Variants in CCDC88A observed in about 807,000 individuals in gnomAD.
The protein encoded by CCDC88A is coiled-coil and HOOK domain protein 88A.
In CCDC88A, 54 loss-of-function variants were observed where a neutral mutation model predicts 234.3. The observed-to-expected ratio is 0.23, with a 90% CI of 0.19 to 0.29. CCDC88A has a LOEUF of 0.29. Among genes scored for constraint, CCDC88A ranks in the 10% least tolerant of loss-of-function variants. The pLI is 1.00. For synonymous variants in CCDC88A, 753 were observed against 737.8 expected (o/e 1.02, Z -0.33); for missense variants, 1,832 against 2,123.4 (o/e 0.86, Z 2.70).
At chr2:55,302,916 GAA>G in intron 26 of CCDC88A, 151 bp downstream of exon 26, 1 of 544,122 alleles carries the variant, frequency 1.8e-6, no homozygotes, top group Non-Finnish European at 3.3e-6. Context: ...AGTGCCACTT[GAA>G]AAAAAAAATT....
At chr2:55,416,892 C>T (rs764035696) in intron 2 of CCDC88A, 16 of 151,540 alleles carry the variant, frequency 1.1e-4, no homozygotes, top group Non-Finnish European at 2.4e-4. Context: ...ATTATTCAAA[C>T]AAAGCAAAAG....
At chr2:55,395,754 C>A (rs905123435) in intron 2 of CCDC88A, among the ~76,000 whole-genome samples, 4 of 152,144 alleles carry the variant, frequency 2.6e-5, no homozygotes, top group African/African-American at 9.7e-5. Context: ...TCCTAAACTA[C>A]AATTTGAGAT....
chr2:55,375,467 TAC>T (rs1673479159), intron 3 of CCDC88A, among the ~76,000 whole-genome samples: 1 of 102,212 alleles, frequency 9.8e-6, no homozygotes, highest in Non-Finnish European at 1.9e-5. Context: ...ACTGTCACTG[TAC>T]TATATATATA....
At chr2:55,414,070 A>G (rs567818789) in intron 2 of CCDC88A, among the ~76,000 whole-genome samples, 1 of 152,334 alleles carries the variant, frequency 6.6e-6, no homozygotes, top group South Asian at 2.1e-4. Flanking sequence ...CAAGTTTATC[A>G]CAATTACCAA....
At chr2:55,396,123 C>A (rs945954055) in intron 2 of CCDC88A, among the ~76,000 whole-genome samples, 5 of 151,634 alleles carry the variant, frequency 3.3e-5, no homozygotes, top group Admixed American at 3.3e-4. Context: ...TAAACAAATA[C>A]TCACTGAGTA....
chr2:55,343,712 C>T lies in CCDC88A; in HGVS notation c.1269G>A (p.Met423Ile). ...CCCAGCCAAGATGTAATGATTCATC[C>T]ATACTTTGTTTCTGTGCCATTTCCA... The part of the protein sequence containing the change: ...MTLEMAQKQS[M>I]DESLHLGWEL... Residue 423 changes from methionine (M) to isoleucine (I), a missense_variant, in exon 12 of 33, where the codon ATG (methionine) becomes ATA (isoleucine). Physicochemically the swap from Met to Ile is conservative, Grantham distance 10. Coordinates refer to ENST00000436346, the MANE Select transcript of CCDC88A (RefSeq NM_001365480.1). 3 of 1,611,938 alleles carry T rather than the reference C, an allele frequency of 1.9e-6. No homozygotes were observed. The highest frequency in any genetic ancestry group is 3.3e-5 in the Admixed American group (2 of 59,908).
At position 55,334,824 on chromosome 2, in the gene CCDC88A, G is replaced by T; in HGVS notation, c.1997C>A (p.Ser666Ter). The change falls in exon 15 of 33, where the codon TCA (serine) becomes TAA (stop). Residue 666 changes from serine to a stop codon, truncating the protein, a stop_gained. Coordinates refer to ENST00000436346, the MANE Select transcript of CCDC88A (RefSeq NM_001365480.1). LOFTEE classifies it high-confidence loss of function. This position sits in a 1 kb window ranked among gnomAD's most constrained non-coding sequence, Gnocchi z 6.1. ...TTTTCTATTTTCTCTTTCTAGCTCTGAATTTTCTTGTTCTAAGGCCTCAAT... is the reference window on the plus strand; with the variant it reads ...TTTTCTATTTTCTCTTTCTAGCTCTTAATTTTCTTGTTCTAAGGCCTCAAT... ...EKIEALEQEN[S>*]ELERENRKLK... 6.4e-7 allele frequency: 1 copy of T among 1,564,650 alleles called. No homozygotes were observed. Among genetic ancestry groups the T allele is most frequent in the Non-Finnish European group, 8.7e-7 (1 of 1,153,298 alleles).
chr2:55,302,097 AATCAGCATGGTTAATGTAT>A, intron 26 of CCDC88A, 25 bp from the exon 27 acceptor site: 1 of 1,563,038 alleles, frequency 6.4e-7, no homozygotes, highest in Non-Finnish European at 8.8e-7. Context: ...AAAGCAAATG[AATCAGCATGGTTAATGTAT>A]TTGTTCTTAT....
rs77181920 is a variant in CCDC88A, at chr2:55,370,001, T to C, written c.402+2451A>G. On this transcript the variant is annotated intron_variant, in intron 5 of 32. Coordinates refer to ENST00000436346, the MANE Select transcript of CCDC88A (RefSeq NM_001365480.1). The stretch of plus-strand genomic sequence containing the variant: ...ACCCATAAACATTAAAAGAAAAAAA[T>C]TAGGTCACTAACATTTTTGAAATGC... 1.1e-3 allele frequency among the ~76,000 whole-genome samples: 160 copies of C among 152,220 alleles called. 1 individual carries two copies. Among genetic ancestry groups the C allele is most frequent in the Middle Eastern group, 6.8e-3 (2 of 294 alleles).
At chr2:55,416,395 G>C (rs139211827) in intron 2 of CCDC88A, among the ~76,000 whole-genome samples, 1 of 116,866 alleles carries the variant, frequency 8.6e-6, no homozygotes, top group East Asian at 2.6e-4. Context: ...TAATATATAT[G>C]TAACTGGACT....
chr2:55,301,592 T>G, intron 27 of CCDC88A: 1 of 519,510 alleles, frequency 1.9e-6, no homozygotes. Flanking sequence ...TTTAGAAAAC[T>G]AGCATTGCCT....
intron 8 of CCDC88A, among the ~76,000 whole-genome samples, chr2:55,354,822 C>T (rs1027901109): frequency 1.3e-5 from 2 of 152,166 alleles, no homozygotes; most frequent in East Asian, 1.9e-4. Flanking sequence ...CCGCCTCAGC[C>T]TCCCAAAGTG....
chr2:55,398,781 C>T (rs1678066713), intron 2 of CCDC88A, among the ~76,000 whole-genome samples: 1 of 151,914 alleles, frequency 6.6e-6, no homozygotes, highest in African/African-American at 2.4e-5. Flanking sequence ...AGGAAGATTG[C>T]TTGAGCCCAG....
At chr2:55,413,590 T>C (rs1013666542) in intron 2 of CCDC88A, among the ~76,000 whole-genome samples, 2 of 152,140 alleles carry the variant, frequency 1.3e-5, no homozygotes, top group African/African-American at 2.4e-5. Context: ...ATATCAAGAA[T>C]GTACTGTGTG....
intron 2 of CCDC88A, chr2:55,417,547 C>G (rs1454377834): frequency 6.6e-6 from 1 of 151,774 alleles, no homozygotes; most frequent in Non-Finnish European, 1.5e-5. Context: ...CTCTTTTTTC[C>G]TTTCTTAAGG....
chr2:55,334,923 T>G lies in CCDC88A; in HGVS notation c.1898A>C (p.Glu633Ala). The change falls in exon 15 of 33, where the codon GAA becomes GCA. Residue 633 changes from glutamate (E) to alanine (A), a missense_variant. Coordinates refer to ENST00000436346, the MANE Select transcript of CCDC88A (RefSeq NM_001365480.1). This position sits in a 1 kb window ranked among gnomAD's most constrained non-coding sequence, Gnocchi z 6.1. Reference sequence around the variant, plus strand: ...ATTTTCTTTTTCAAGATGATGCAATTCATTTTCAAGTTCTTCAGCTCGTTC... The same window carrying G: ...ATTTTCTTTTTCAAGATGATGCAATGCATTTTCAAGTTCTTCAGCTCGTTC... ...KGERAEELENELHHLEKENEL... is the reference protein window; with the variant it reads ...KGERAEELENALHHLEKENEL... The G allele has an allele frequency of 6.5e-7, 1 of 1,527,980 alleles. No individual in the cohort carries two copies. Among genetic ancestry groups the G allele is most frequent in the Non-Finnish European group, 8.9e-7 (1 of 1,126,394 alleles). The allele number at this position is 1,527,980 out of a possible 1,614,324, so 94.7% of individuals were successfully genotyped here.
At chr2:55,385,341 A>C (rs769127558) in intron 3 of CCDC88A, among the ~76,000 whole-genome samples, 1 of 152,226 alleles carries the variant, frequency 6.6e-6, no homozygotes, top group Non-Finnish European at 1.5e-5. Flanking sequence ...GATATAATCA[A>C]TGGGTTAAAC....
At chr2:55,340,191 A>C (rs565341284) in intron 12 of CCDC88A, 2 of 152,368 alleles carry the variant, frequency 1.3e-5, no homozygotes, top group East Asian at 3.9e-4. Context: ...TAGATTGAAG[A>C]AATTGGAGTT....
chr2:55,308,783 G>C (rs544377552), intron 25 of CCDC88A, 26 bp downstream of exon 25: 33 of 1,539,108 alleles, frequency 2.1e-5, no homozygotes, highest in Non-Finnish European at 3.0e-5. Context: ...AAATCAATAC[G>C]ATGTTTAAAG....
Sources: gnomAD v4.1 joint callset for allele counts (sites outside exome capture counted in the v4.1 genomes callset) on GRCh38, gnomAD v4.1.1 for gene constraint, Gnocchi (gnomAD v3.1) non-coding constraint, MANE v1.5 for transcripts, NCBI Gene and HGNC (gene_info 2026-07-23, HGNC 2026-07-21) for gene names.